The following NDUFAF6 variants were observed in gnomAD, a reference collection of about 807,000 sequenced individuals.
NDUFAF6 encodes the protein NADH:ubiquinone oxidoreductase complex assembly factor 6, also known as NADH dehydrogenase (ubiquinone) complex I, assembly factor 6.
A neutral mutation model predicts 40.8 loss-of-function variants in NDUFAF6; 45 were observed. That is an observed-to-expected ratio of 1.10 (90% CI 0.87 to 1.42). The LOEUF (loss-of-function observed/expected upper bound fraction) is 1.42. Among genes scored for constraint, NDUFAF6 ranks in the 40% most tolerant of loss-of-function variants. The pLI is 0.00. For synonymous variants in NDUFAF6, 185 were observed against 155.9 expected, an observed-to-expected ratio of 1.19 and a Z score of -1.39; for missense variants, 435 against 418.5, an observed-to-expected ratio of 1.04 and a Z score of -0.34.
chr8:94,985,852 A>G (rs1356767573), intron 2 of NDUFAF6, among the ~76,000 whole-genome samples: 1 of 146,650 alleles, frequency 6.8e-6, no homozygotes, highest in Non-Finnish European at 1.5e-5. Flanking sequence ...TTTTTATACA[A>G]TTTTGTACAA....
intron 1 of NDUFAF6, among the ~76,000 whole-genome samples, chr8:94,916,983 G>A (rs1183979710): frequency 8.0e-5 from 12 of 150,942 alleles, no homozygotes; most frequent in African/African-American, 2.9e-4. Flanking sequence ...GCATGGTGGC[G>A]GGCACCTGTA....
intron 1 of NDUFAF6, among the ~76,000 whole-genome samples, chr8:94,912,250 A>G (rs575805341): frequency 6.6e-6 from 1 of 152,374 alleles, no homozygotes; most frequent in East Asian, 1.9e-4. Context: ...GAACAGTGGA[A>G]TGATTTCCTA....
rs1587265086 is a variant in NDUFAF6, at chr8:95,092,180, A to G, written n.214-8952A>G. On this transcript the variant is annotated intron_variant and non_coding_transcript_variant, in intron 2 of 5. Coordinates refer to the NDUFAF6 transcript ENST00000523184. ...GGTTAACTTAAAATTCCCCTTTGAC[A>G]CAATTTTTTTTTTTTTTTGAAATGG... 3.7e-5 allele frequency among the ~76,000 whole-genome samples: 4 copies of G among 108,532 alleles called. No homozygotes were observed. The South Asian group carries it at 1.1e-3, about 30-fold the overall frequency. The allele number at this position is 108,532 out of a possible 152,430, so 71.2% of individuals were successfully genotyped here. A position where few individuals can be genotyped will look rare whatever the true frequency, so the allele number is the denominator to read the frequency against.
intron 1 of NDUFAF6, among the ~76,000 whole-genome samples, chr8:94,911,342 A>G (rs1312969915): frequency 6.6e-6 from 1 of 152,240 alleles, no homozygotes; most frequent in Admixed American, 6.5e-5. Flanking sequence ...TAAAAAGGGA[A>G]TAACACCTAC....
chr8:94,896,270 CCCG>C (rs1249280461), intron 1 of NDUFAF6, among the ~76,000 whole-genome samples: 2 of 148,432 alleles, frequency 1.3e-5, no homozygotes, highest in Non-Finnish European at 1.5e-5. Context: ...CGCGCCCCGC[CCCG>C]CCGCCGCCGC....
intron 2 of NDUFAF6, among the ~76,000 whole-genome samples, chr8:94,947,618 C>T (rs1424810233): frequency 1.3e-5 from 2 of 152,208 alleles, no homozygotes; most frequent in Non-Finnish European, 2.9e-5. Context: ...GCTTGTTCCA[C>T]TTATGTGAAG....
downstream of NDUFAF6, chr8:95,058,811 A>G (rs902628118): frequency 3.1e-6 from 3 of 977,202 alleles, no homozygotes; most frequent in Non-Finnish European, 3.6e-6. Context: ...AACCTGTGAA[A>G]TGAGGCACAT....
intron 2 of NDUFAF6, among the ~76,000 whole-genome samples, chr8:94,987,956 CTAAGTGTG>C (rs1563773074): frequency 6.6e-6 from 1 of 152,148 alleles, no homozygotes; most frequent in African/African-American, 2.4e-5. Context: ...AAGGTCTCAT[CTAAGTGTG>C]TATAAAGCTG....
At chr8:94,918,863 C>T (rs1394769105) in intron 1 of NDUFAF6, among the ~76,000 whole-genome samples, 1 of 152,164 alleles carries the variant, frequency 6.6e-6, no homozygotes, top group African/African-American at 2.4e-5. Context: ...CAATTCATTT[C>T]CCTTTTTATT....
chr8:95,015,031 C>T (rs1358897499), intron 2 of NDUFAF6, among the ~76,000 whole-genome samples: 3 of 152,188 alleles, frequency 2.0e-5, no homozygotes, highest in Non-Finnish European at 2.9e-5. Flanking sequence ...AGAGATAGTA[C>T]TCTAATTGGC....
intron 2 of NDUFAF6, among the ~76,000 whole-genome samples, chr8:95,012,814 A>C (rs556707380): frequency 5.1e-4 from 77 of 150,116 alleles, no homozygotes; most frequent in African/African-American, 1.8e-3. Context: ...ACAGAGTAAG[A>C]CTCTGTCTCA....
At chr8:94,976,535 G>A (rs1824960218) in intron 1 of NDUFAF6, among the ~76,000 whole-genome samples, 1 of 150,852 alleles carries the variant, frequency 6.6e-6, no homozygotes, top group Non-Finnish European at 1.5e-5. Flanking sequence ...TTAGCTGGGT[G>A]CGGTGGTAGG....
intron 1 of NDUFAF6, chr8:94,930,817 G>A (rs752825883): frequency 2.3e-5 from 33 of 1,424,150 alleles, no homozygotes; most frequent in African/African-American, 1.6e-4. Flanking sequence ...AATTTGCCAC[G>A]CTAATTTGTT....
intron 1 of NDUFAF6, among the ~76,000 whole-genome samples, chr8:94,931,603 C>CATAT (rs1475614740): frequency 1.7e-4 from 7 of 40,766 alleles, no homozygotes; most frequent in South Asian, 1.3e-3. Flanking sequence ...CACACACACA[C>CATAT]ACACACATAA....
intron 1 of NDUFAF6, among the ~76,000 whole-genome samples, chr8:95,027,370 A>G (rs1828279279): frequency 6.6e-6 from 1 of 151,480 alleles, no homozygotes; most frequent in East Asian, 2.0e-4. Flanking sequence ...CTTGAGCCTA[A>G]GAGTTCCAGA....
At chr8:95,081,490 A>G (rs548378934) in intron 2 of NDUFAF6, among the ~76,000 whole-genome samples, 1 of 152,062 alleles carries the variant, frequency 6.6e-6, no homozygotes, top group East Asian at 1.9e-4. Flanking sequence ...TCCTCATTCT[A>G]AAGATCTAGG....
chr8:95,030,659 G>A (rs1040157542), intron 1 of NDUFAF6, among the ~76,000 whole-genome samples: 4 of 152,180 alleles, frequency 2.6e-5, no homozygotes, highest in Non-Finnish European at 5.9e-5. Context: ...TTTTGCTCAA[G>A]AAAATGTTTC....
chr8:95,040,862 C>T (rs1830070205), intron 3 of NDUFAF6: 1 of 152,176 alleles, frequency 6.6e-6, no homozygotes, highest in South Asian at 2.1e-4. Flanking sequence ...TTTGGAATCG[C>T]CCATTTCTCG....
intron 4 of NDUFAF6, among the ~76,000 whole-genome samples, chr8:95,115,054 T>G (rs1186635118): frequency 6.4e-5 from 3 of 46,620 alleles, no homozygotes; most frequent in Non-Finnish European, 1.1e-4. Flanking sequence ...AGAGCGAGAC[T>G]GTTTAAAAAA....
Sources: allele counts gnomAD v4.1 joint callset (sites outside exome capture counted in the v4.1 genomes callset), GRCh38; gene constraint gnomAD v4.1.1; transcripts MANE v1.5; gene names NCBI Gene and HGNC (gene_info 2026-07-23, HGNC 2026-07-21).